The following EML6 variants were observed in gnomAD, a reference collection of about 807,000 sequenced individuals.
EML6 encodes echinoderm microtubule-associated protein-like 6.
Under a neutral mutation model 240.1 loss-of-function variants are expected in EML6, and 154 were observed. That is an observed-to-expected ratio of 0.64 (90% CI 0.56 to 0.73). EML6 has a LOEUF of 0.73. Among genes scored for constraint, EML6 ranks in the 30% least tolerant of loss-of-function variants. The pLI, the probability that EML6 is intolerant of heterozygous loss-of-function variation, is 0.00. For missense variants in EML6, 2,964 were observed against 2,474.6 expected (o/e 1.20, Z -4.20); for synonymous variants, 1,148 against 899.0 (o/e 1.28, Z -4.95).
At chr2:54,863,216 T>C (rs550109030) in intron 12 of EML6, among the ~76,000 whole-genome samples, 1 of 152,352 alleles carries the variant, frequency 6.6e-6, no homozygotes, top group East Asian at 1.9e-4. Flanking sequence ...AGTAAATGGT[T>C]GGGTTTATTT....
intron 16 of EML6, among the ~76,000 whole-genome samples, chr2:54,875,780 G>C (rs768778363): frequency 1.3e-5 from 2 of 152,138 alleles, no homozygotes; most frequent in Non-Finnish European, 2.9e-5. Flanking sequence ...TTTTTGTTTT[G>C]TGCTTGCCGT....
chr2:54,866,255 G>C (rs987563656), intron 13 of EML6, among the ~76,000 whole-genome samples: 1 of 152,132 alleles, frequency 6.6e-6, no homozygotes, highest in Non-Finnish European at 1.5e-5. Flanking sequence ...TTTTATATGC[G>C]TTTAAATGGT....
chr2:54,825,385 T>A lies in EML6; in HGVS notation c.526-2181T>A, dbSNP rs116937909. On this transcript the variant is annotated intron_variant, in intron 5 of 41. Transcript: ENST00000356458. ...CTAGCTTTTTCCTAGATCTCTTTAT[T>A]CTTTATTAAAAAAAACTTTATTACA... Among the ~76,000 whole-genome samples, 30 of 152,244 alleles carry A rather than the reference T, an allele frequency of 2.0e-4. No homozygotes were observed. In the East Asian group the frequency reaches 5.4e-3, roughly 28 times the overall value.
chr2:54,826,647 T>G (rs1330513904), intron 5 of EML6, among the ~76,000 whole-genome samples: 11 of 152,220 alleles, frequency 7.2e-5, no homozygotes, highest in Admixed American at 7.2e-4. Context: ...ATTTTGTGTC[T>G]GTTTAACCAT....
At chr2:54,786,810 C>T (rs1028420555) in intron 2 of EML6, among the ~76,000 whole-genome samples, 6 of 152,228 alleles carry the variant, frequency 3.9e-5, no homozygotes, top group East Asian at 3.8e-4. Context: ...CCCCTTTCCT[C>T]GGAATTCATT....
Position 54,789,533 on chromosome 2 carries a change from A to AAAAAAG in EML6, c.198-23694_198-23693insGAAAAA, listed in dbSNP as rs1424411792. ...CGTCTCAAAAAAAAAAAAAAAAAAA[A>AAAAAAG]AAAAAAAAAAAAAAAGAAAAAGAAT... On this transcript the variant is annotated intron_variant, in intron 2 of 41. Coordinates refer to ENST00000356458, the MANE Select transcript of EML6 (RefSeq NM_001039753.4). 4.9e-5 allele frequency among the ~76,000 whole-genome samples: 7 copies of AAAAAAG among 144,054 alleles called. No homozygotes were observed. The South Asian group carries it at 1.3e-3, about 27-fold the overall frequency. 94.5% of individuals were successfully genotyped at this position (144,054 alleles called of 152,430 possible). A position where few individuals can be genotyped will look rare whatever the true frequency, so the allele number is the denominator to read the frequency against.
intron 9 of EML6, among the ~76,000 whole-genome samples, chr2:54,848,039 T>C (rs1366112542): frequency 6.8e-6 from 1 of 147,028 alleles, no homozygotes; most frequent in East Asian, 2.0e-4. Context: ...TTCCAAGGGT[T>C]TTGGATAAAA....
chr2:54,820,901 A>G (rs746899256), intron 5 of EML6, among the ~76,000 whole-genome samples: 1 of 152,192 alleles, frequency 6.6e-6, no homozygotes, highest in African/African-American at 2.4e-5. Flanking sequence ...AGAGGAATTC[A>G]CAGTACAAAC....
At chr2:54,756,217 A>G (rs1667722167) in intron 2 of EML6, among the ~76,000 whole-genome samples, 1 of 152,094 alleles carries the variant, frequency 6.6e-6, no homozygotes, top group Non-Finnish European at 1.5e-5. Context: ...GCTTACTTTA[A>G]TGTTCAGGGC....
At chr2:54,896,911 C>G (rs1672801081) in intron 21 of EML6, among the ~76,000 whole-genome samples, 1 of 152,180 alleles carries the variant, frequency 6.6e-6, no homozygotes, top group African/African-American at 2.4e-5. Flanking sequence ...TAAAAACAAA[C>G]CTCGAAAGCT....
At chr2:54,913,332 T>G (rs889110936) in intron 25 of EML6, among the ~76,000 whole-genome samples, 1 of 151,804 alleles carries the variant, frequency 6.6e-6, no homozygotes, top group East Asian at 1.9e-4. Flanking sequence ...ACTGTAACCT[T>G]GACTTGCCGG....
chr2:54,791,691 G>A (rs1669462396), intron 2 of EML6, among the ~76,000 whole-genome samples: 1 of 152,106 alleles, frequency 6.6e-6, no homozygotes, highest in Admixed American at 6.6e-5. Flanking sequence ...TAGCCTGCAG[G>A]CTAGAGCCAA....
intron 4 of EML6, among the ~76,000 whole-genome samples, chr2:54,818,958 G>T (rs1441050444): frequency 2.6e-5 from 4 of 152,058 alleles, no homozygotes; most frequent in Non-Finnish European, 5.9e-5. Flanking sequence ...TTTATATAAT[G>T]AATGTTTTAT....
chr2:54,849,983 C>T lies in EML6; in HGVS notation c.1209C>T (p.His403=), dbSNP rs985083055. 3 of 1,551,142 alleles carry T rather than the reference C, an allele frequency of 1.9e-6. No homozygotes were observed. Among genetic ancestry groups the T allele is most frequent in the Non-Finnish European group, 2.6e-6 (3 of 1,146,616 alleles). ...LRVRDMTEVV[H]IKDRKEVIHE... ...ACAGAGATATGACAGAAGTAGTTCACATCAAAGATCGAAAAGAAGTCATTC... is the reference window on the plus strand; with the variant it reads ...ACAGAGATATGACAGAAGTAGTTCATATCAAAGATCGAAAAGAAGTCATTC... The change falls in exon 10 of 42, where the codon CAC becomes CAT. Residue 403 remains histidine (H), a synonymous_variant. Transcript: ENST00000356458.
At chr2:54,826,607 C>T (rs6736720) in intron 5 of EML6, among the ~76,000 whole-genome samples, 22,298 of 151,986 alleles carry the variant, frequency 0.15, 1,836 homozygotes, top group Admixed American at 0.26. Context: ...CCCCACCTGC[C>T]CCCCCAAAAA....
At chr2:54,738,464 G>C (rs1416071582) in intron 2 of EML6, among the ~76,000 whole-genome samples, 1 of 152,002 alleles carries the variant, frequency 6.6e-6, no homozygotes, top group Non-Finnish European at 1.5e-5. Flanking sequence ...ATATATCATA[G>C]TGTACAGCTG....
chr2:54,944,087 C>A (rs1252388495), intron 28 of EML6, among the ~76,000 whole-genome samples: 1 of 152,134 alleles, frequency 6.6e-6, no homozygotes, highest in Non-Finnish European at 1.5e-5. Flanking sequence ...TTACCTTTGG[C>A]TGGCATCTTT....
intron 17 of EML6, among the ~76,000 whole-genome samples, chr2:54,884,676 A>G (rs1018806670): frequency 6.6e-6 from 1 of 152,262 alleles, no homozygotes; most frequent in African/African-American, 2.4e-5. Context: ...TAATATCACA[A>G]TGGCACTAAG....
chr2:54,967,240 G>GGGAGGCTT (rs1676787922), intron 39 of EML6, 137 bp downstream of exon 39: 1 of 601,802 alleles, frequency 1.7e-6, no homozygotes, highest in African/African-American at 1.9e-5. Flanking sequence ...GGGTGAGGGT[G>GGGAGGCTT]GGAGGCTTCT....
Sources: gnomAD v4.1 joint callset for allele counts (sites outside exome capture counted in the v4.1 genomes callset) on GRCh38, gnomAD v4.1.1 for gene constraint, MANE v1.5 for transcripts, NCBI Gene and HGNC (gene_info 2026-07-23, HGNC 2026-07-21) for gene names.